EDARADD: variants seen among roughly 807,000 people sequenced by gnomAD.
EDARADD encodes the protein EDAR associated via death domain.
EDARADD carries 20 observed loss-of-function variants against 25.6 expected under a neutral mutation model. That is an observed-to-expected ratio of 0.78 (90% CI 0.55 to 1.14). The LOEUF (loss-of-function observed/expected upper bound fraction) is 1.14, where lower values mean the gene tolerates loss of function less well. Among genes scored for constraint, EDARADD ranks in the 50% most tolerant of loss-of-function variants. EDARADD has a pLI of 0.00. For synonymous variants in EDARADD, 86 were observed against 94.4 expected (o/e 0.91, Z 0.52); for missense variants, 225 against 270.1 (o/e 0.83, Z 1.17).
chr1:236,362,073 A>G (rs1378017646), intron 3 of EDARADD, among the ~76,000 whole-genome samples: 3 of 151,818 alleles, frequency 2.0e-5, no homozygotes, highest in East Asian at 3.9e-4. Context: ...CGCAATTGGT[A>G]TTGTCATCTG....
rs144720268 is a variant in EDARADD at position 236,477,388 on chromosome 1, G to A, written c.266-4879G>A. On this transcript the variant is annotated intron_variant, in intron 5 of 5. Transcript: ENST00000334232. ...AAATTACCTGGGCGTGGTGGCAGGC[G>A]CCTGTAGTCCCAGCTACTCGGGAGG... is the stretch of plus-strand genomic sequence containing the variant. Among the ~76,000 whole-genome samples the A allele has an allele frequency of 6.3e-3, 964 of 152,132 alleles. 15 individuals are homozygous for A. Among genetic ancestry groups the A allele is most frequent in the African/African-American group, 0.022 (924 of 41,476 alleles).
At chr1:236,464,934 T>C (rs1485490083) in intron 4 of EDARADD, among the ~76,000 whole-genome samples, 1 of 152,156 alleles carries the variant, frequency 6.6e-6, no homozygotes, top group South Asian at 2.1e-4. Context: ...TCTCCTGCCC[T>C]GGCCTCTCCC....
intron 4 of EDARADD, among the ~76,000 whole-genome samples, chr1:236,429,604 C>T (rs1212282358): frequency 6.6e-6 from 1 of 151,178 alleles, no homozygotes; most frequent in African/African-American, 2.4e-5. Context: ...AGGCTAGTCT[C>T]GAACTCTTGG....
chr1:236,428,493 C>T (rs1657987549), intron 4 of EDARADD, among the ~76,000 whole-genome samples: 1 of 152,060 alleles, frequency 6.6e-6, no homozygotes, highest in African/African-American at 2.4e-5. Flanking sequence ...GGGTACACCG[C>T]CCAGACGGGG....
chr1:236,463,064 AT>A (rs1385430549), intron 4 of EDARADD, among the ~76,000 whole-genome samples: 1 of 33,738 alleles, frequency 3.0e-5, no homozygotes, highest in Admixed American at 2.5e-4. Flanking sequence ...TTACACACAC[AT>A]TTAAAATCAT....
intron 1 of EDARADD, among the ~76,000 whole-genome samples, chr1:236,405,355 C>T (rs1667688857): frequency 1.3e-5 from 2 of 152,176 alleles, no homozygotes; most frequent in South Asian, 4.1e-4. Context: ...CAACACAAGC[C>T]CTGGGATCTC....
intron 3 of EDARADD, among the ~76,000 whole-genome samples, chr1:236,354,669 C>T (rs1023143994): frequency 1.3e-5 from 2 of 152,324 alleles, no homozygotes; most frequent in East Asian, 3.9e-4. Flanking sequence ...ATCCAGACCA[C>T]TACAGCCCTG....
intron 4 of EDARADD, among the ~76,000 whole-genome samples, chr1:236,460,285 A>T (rs1659003016): frequency 6.6e-6 from 1 of 150,988 alleles, no homozygotes; most frequent in African/African-American, 2.4e-5. Flanking sequence ...CCTGGGCTTA[A>T]GCAATCCTCC....
chr1:236,371,117 C>G (rs142991683), intron 3 of EDARADD, among the ~76,000 whole-genome samples: 1 of 152,186 alleles, frequency 6.6e-6, no homozygotes, highest in East Asian at 1.9e-4. Flanking sequence ...TAGTACCCCC[C>G]AAGAAACATA....
chr1:236,385,222 C>A (rs1667338042), intron 3 of EDARADD, among the ~76,000 whole-genome samples: 1 of 148,084 alleles, frequency 6.8e-6, no homozygotes, highest in South Asian at 2.1e-4. Context: ...TCCTGGCCAA[C>A]ACGGTGAAAC....
At chr1:236,447,216 CT>C (rs1407841622) in intron 4 of EDARADD, among the ~76,000 whole-genome samples, 1 of 34,528 alleles carries the variant, frequency 2.9e-5, no homozygotes. Context: ...TTCTTTCTTT[CT>C]TTCTTTCCTT....
chr1:236,412,977 A>G (rs1011179173), intron 2 of EDARADD, among the ~76,000 whole-genome samples: 1 of 152,082 alleles, frequency 6.6e-6, no homozygotes, highest in African/African-American at 2.4e-5. Flanking sequence ...AATTCTCGTA[A>G]CTCAGCCTCC....
At chr1:236,384,224 G>A (rs1042674846) in intron 3 of EDARADD, among the ~76,000 whole-genome samples, 4 of 151,926 alleles carry the variant, frequency 2.6e-5, no homozygotes, top group Non-Finnish European at 4.4e-5. Flanking sequence ...AAAATACATC[G>A]GTCAAATTCC....
intron 3 of EDARADD, among the ~76,000 whole-genome samples, chr1:236,416,578 A>G (rs2103011428): frequency 6.6e-6 from 1 of 152,350 alleles, no homozygotes; most frequent in African/African-American, 2.4e-5. Context: ...CGTGAATGTG[A>G]AAACCATACC....
At chr1:236,425,879 G>A (rs970276541) in intron 3 of EDARADD, among the ~76,000 whole-genome samples, 2 of 152,224 alleles carry the variant, frequency 1.3e-5, no homozygotes, top group African/African-American at 4.8e-5. Flanking sequence ...TTAGCCGAGA[G>A]CAGTTAATGA....
chr1:236,481,145 A>T (rs897250025), intron 5 of EDARADD, among the ~76,000 whole-genome samples: 2 of 152,106 alleles, frequency 1.3e-5, no homozygotes, highest in Admixed American at 1.3e-4. Context: ...TCCAGTTTTC[A>T]TGTCTGTGTT....
At chr1:236,450,828 C>T (rs1280015256) in intron 4 of EDARADD, among the ~76,000 whole-genome samples, 3 of 152,080 alleles carry the variant, frequency 2.0e-5, no homozygotes, top group African/African-American at 7.2e-5. Flanking sequence ...AGATTACAGG[C>T]GTGAGTCACT....
chr1:236,461,390 C>A (rs1659034474), intron 4 of EDARADD, among the ~76,000 whole-genome samples: 1 of 152,136 alleles, frequency 6.6e-6, no homozygotes, highest in Non-Finnish European at 1.5e-5. Flanking sequence ...TTCCCAGCAC[C>A]ATTTATTGAA....
chr1:236,418,081 A>G (rs184177266), intron 3 of EDARADD, among the ~76,000 whole-genome samples: 2,064 of 150,408 alleles, frequency 0.014, 48 homozygotes, highest in African/African-American at 0.048. Flanking sequence ...AGCCTCCCGA[A>G]TAGCTGGGAC....
Sources: gnomAD v4.1 joint callset for allele counts (sites outside exome capture counted in the v4.1 genomes callset) on GRCh38, gnomAD v4.1.1 for gene constraint, MANE v1.5 for transcripts, NCBI Gene and HGNC (gene_info 2026-07-23, HGNC 2026-07-21) for gene names.